The following KALRN variants were observed in gnomAD, a reference collection of about 807,000 sequenced individuals.
The protein encoded by KALRN is kalirin RhoGEF kinase, also known as kalirin.
Under a neutral mutation model 353.7 loss-of-function variants are expected in KALRN, and 70 were observed. That is an observed-to-expected ratio of 0.20 (90% CI 0.16 to 0.24). KALRN has a LOEUF of 0.24. KALRN is among the 10% of genes least tolerant of loss of function. The pLI, the probability that KALRN is intolerant of heterozygous loss-of-function variation, is 1.00. For synonymous variants in KALRN, 1,391 were observed against 1,434.8 expected (o/e 0.97, Z 0.69); for missense variants, 2,791 against 3,756.7 (o/e 0.74, Z 6.72).
intron 38 of KALRN, among the ~76,000 whole-genome samples, chr3:124,651,637 C>T (rs1411804256): frequency 1.5e-5 from 2 of 130,474 alleles, no homozygotes; most frequent in Non-Finnish European, 1.6e-5. Context: ...TCTTTTCTAT[C>T]TTTTTTTTTT....
intron 1 of KALRN, among the ~76,000 whole-genome samples, chr3:124,111,679 G>A (rs991314799): frequency 4.6e-5 from 7 of 152,056 alleles, no homozygotes; most frequent in African/African-American, 1.7e-4. Flanking sequence ...AGAGCCAAAC[G>A]TAATACAGAA....
chr3:124,642,715 A>G (rs545041375), intron 37 of KALRN, among the ~76,000 whole-genome samples: 148 of 152,026 alleles, frequency 9.7e-4, no homozygotes, highest in Admixed American at 1.8e-3. Flanking sequence ...TGGGGAAAAA[A>G]TAATGGCCTC....
chr3:124,702,890 GA>G (rs761971262), intron 57 of KALRN, among the ~76,000 whole-genome samples: 6 of 152,008 alleles, frequency 3.9e-5, no homozygotes, highest in African/African-American at 1.4e-4. Context: ...ACTTTTAACA[GA>G]AAAATTAAAA....
chr3:124,244,763 G>A (rs2080910108), intron 3 of KALRN, among the ~76,000 whole-genome samples: 1 of 151,972 alleles, frequency 6.6e-6, no homozygotes, highest in African/African-American at 2.4e-5. Context: ...ATCTTTTTAT[G>A]TAAACCTTTG....
At chr3:124,138,950 A>G (rs1441574903) in intron 1 of KALRN, among the ~76,000 whole-genome samples, 18 of 152,206 alleles carry the variant, frequency 1.2e-4, no homozygotes, top group Admixed American at 1.2e-3. Flanking sequence ...TGTATGTATC[A>G]TGGCGCATAT....
In KALRN at chr3:124,674,381, C is replaced by T. The variant is rs1014336686; in HGVS notation, c.6960C>T (p.Cys2320=). The part of the protein sequence containing the change: ...FEASKNDLGG[C]NGTSSMAVIK... ...CCCAGCAGAACGACCTGGGAGGCTG[C>T]AATGGGACCTCGTCCATGGCCGTGA... The change falls in exon 49 of 60, where the codon TGC becomes TGT. Residue 2320 remains cysteine, a synonymous_variant. Coordinates refer to ENST00000682506, the MANE Select transcript of KALRN (RefSeq NM_001388419.1). 3.7e-6 allele frequency: 6 copies of T among 1,613,298 alleles called. No individual in the cohort carries two copies.
In KALRN at chr3:124,265,298, C is replaced by CTTTTTTTTTTTTTTTTTT. The variant is rs3054177; in HGVS notation, c.456+622_456+623insTTTTTTTTTTTTTTTTTT. The stretch of plus-strand genomic sequence containing the variant: ...CTAGTAACTAATTTAAGAAAATATT[C>CTTTTTTTTTTTTTTTTTT]TTTTTTTTTTTTTTGAGATAGAGTC... On this transcript the variant is annotated intron_variant, in intron 4 of 59. Transcript: ENST00000682506. 1.7e-3 allele frequency among the ~76,000 whole-genome samples: 123 copies of CTTTTTTTTTTTTTTTTTT among 73,070 alleles called. 28 individuals are homozygous for CTTTTTTTTTTTTTTTTTT. The highest frequency in any genetic ancestry group is 7.6e-3 in the Middle Eastern group (1 of 132). 47.9% of individuals were successfully genotyped at this position (73,070 alleles called of 152,430 possible).
chr3:124,613,265 C>A (rs138628751), intron 34 of KALRN, among the ~76,000 whole-genome samples: 4 of 152,298 alleles, frequency 2.6e-5, no homozygotes, highest in Non-Finnish European at 5.9e-5. Flanking sequence ...CAGCCCATAC[C>A]TCTCCTGATT....
chr3:124,293,641 A>T (rs181297380), intron 5 of KALRN, among the ~76,000 whole-genome samples: 175 of 152,300 alleles, frequency 1.1e-3, no homozygotes, highest in African/African-American at 4.1e-3. Context: ...GGAAAAAAAA[A>T]CCCCAAATGA....
chr3:124,109,721 ATATCATACTT>A (rs2062676462), intron 1 of KALRN, among the ~76,000 whole-genome samples: 1 of 146,222 alleles, frequency 6.8e-6, no homozygotes. Flanking sequence ...TATGACATAT[ATATCATACTT>A]TGATATATAT....
At chr3:124,513,842 C>T (rs2066229305) in intron 33 of KALRN, among the ~76,000 whole-genome samples, 1 of 152,178 alleles carries the variant, frequency 6.6e-6, no homozygotes, top group Non-Finnish European at 1.5e-5. Flanking sequence ...TCCGCACCAC[C>T]TACGAGGCCT....
At chr3:124,177,220 C>T (rs191823560) in intron 1 of KALRN, among the ~76,000 whole-genome samples, 1 of 152,326 alleles carries the variant, frequency 6.6e-6, no homozygotes, top group Non-Finnish European at 1.5e-5. Context: ...GGATGGAGAA[C>T]TCTGCGTGTG....
intron 10 of KALRN, among the ~76,000 whole-genome samples, chr3:124,366,073 C>T (rs79011201): frequency 0.051 from 7,794 of 152,124 alleles, 643 homozygotes; most frequent in African/African-American, 0.17. Flanking sequence ...GTGTGTCATA[C>T]CAACATCATG....
chr3:124,188,605 G>C (rs907514901), intron 1 of KALRN, among the ~76,000 whole-genome samples: 4 of 152,158 alleles, frequency 2.6e-5, no homozygotes, highest in Non-Finnish European at 4.4e-5. Flanking sequence ...GAAGTACTTT[G>C]GATAGGGAGA....
At chr3:124,703,150 G>A (rs890186664) in intron 57 of KALRN, among the ~76,000 whole-genome samples, 1 of 152,184 alleles carries the variant, frequency 6.6e-6, no homozygotes, top group African/African-American at 2.4e-5. Context: ...TGACGTGGTT[G>A]TGACCGACGT....
intron 10 of KALRN, among the ~76,000 whole-genome samples, chr3:124,359,438 C>A (rs2083774212): frequency 6.6e-6 from 1 of 152,206 alleles, no homozygotes; most frequent in Non-Finnish European, 1.5e-5. Flanking sequence ...ATGAAATGTC[C>A]TAGCTTTCAA....
chr3:124,084,057 A>G (rs1273043509), intron 1 of KALRN, among the ~76,000 whole-genome samples: 1 of 152,236 alleles, frequency 6.6e-6, no homozygotes, highest in Admixed American at 6.5e-5. Flanking sequence ...TCCCATCCCT[A>G]AATGGGGAGA....
At chr3:124,417,234 G>C (rs1331413870) in intron 14 of KALRN, among the ~76,000 whole-genome samples, 1 of 152,234 alleles carries the variant, frequency 6.6e-6, no homozygotes, top group African/African-American at 2.4e-5. Flanking sequence ...CCAACTAGCA[G>C]TCTGATTTTG....
At chr3:124,272,636 G>C (rs2074284892) in intron 5 of KALRN, among the ~76,000 whole-genome samples, 4 of 152,048 alleles carry the variant, frequency 2.6e-5, no homozygotes, top group African/African-American at 9.7e-5. Context: ...TTCAAAACAA[G>C]GGAGCAAAAA....
Sources: allele counts gnomAD v4.1 joint callset (sites outside exome capture counted in the v4.1 genomes callset), GRCh38; gene constraint gnomAD v4.1.1; transcripts MANE v1.5; gene names NCBI Gene and HGNC (gene_info 2026-07-23, HGNC 2026-07-21).